Variants in DPEP3 observed in about 807,000 individuals in gnomAD.
The protein encoded by DPEP3 is dipeptidase 3, also known as membrane-bound dipeptidase 3.
A neutral mutation model predicts 47.5 loss-of-function variants in DPEP3; 42 were observed. That is an observed-to-expected ratio of 0.88 (90% CI 0.69 to 1.14). The LOEUF is 1.14. Among genes scored for constraint, DPEP3 ranks in the 50% most tolerant of loss-of-function variants. The pLI, the probability that DPEP3 is intolerant of heterozygous loss-of-function variation, is 0.00. For missense variants in DPEP3, 560 were observed against 635.0 expected, an observed-to-expected ratio of 0.88 and a Z score of 1.27; for synonymous variants, 276 against 270.2, an observed-to-expected ratio of 1.02 and a Z score of -0.21.
chr16:67,980,391 G>T lies in DPEP3; in HGVS notation c.-11C>A, dbSNP rs1320287577. 6.6e-7 allele frequency: 1 copy of T among 1,510,656 alleles called. No individual in the cohort carries two copies. Among genetic ancestry groups the T allele is most frequent in the Admixed American group, 2.2e-5 (1 of 44,582 alleles). 93.6% of individuals were successfully genotyped at this position (1,510,656 alleles called of 1,614,324 possible). ...GCCCGTGGGCTGCATGTTGCGCGGGGGTCGGCCGCGGGAGCCTGGGAGGAG... is the reference window on the plus strand; with the variant it reads ...GCCCGTGGGCTGCATGTTGCGCGGGTGTCGGCCGCGGGAGCCTGGGAGGAG... On this transcript the variant is annotated 5_prime_UTR_variant, in exon 1 of 10. Coordinates refer to ENST00000268793, the MANE Select transcript of DPEP3 (RefSeq NM_001370198.1).
In DPEP3 at chr16:67,978,409, C is replaced by G. The variant is rs778467641; in HGVS notation, c.545-1G>C. The G allele has an allele frequency of 6.2e-7, 1 of 1,613,988 alleles. No individual in the cohort carries two copies. The highest frequency in any genetic ancestry group is 1.1e-5 in the South Asian group (1 of 91,090). ...GCCAGCTTTTGAGAGCTGTTCAGACCTAGAAGGAGGTAGAGAGTCAAGTGG... is the reference window on the plus strand; with the variant it reads ...GCCAGCTTTTGAGAGCTGTTCAGACGTAGAAGGAGGTAGAGAGTCAAGTGG... On this transcript the variant is annotated splice_acceptor_variant, in intron 3 of 9. Coordinates refer to ENST00000268793, the MANE Select transcript of DPEP3 (RefSeq NM_001370198.1). LOFTEE classifies it high-confidence loss of function. The surrounding 1 kb of genome is among the most constrained non-coding windows in gnomAD (Gnocchi z 4.4).
At chr16:67,977,881 T>TGTACACAC in intron 5 of DPEP3, 52 bp from the exon 6 acceptor site, 1 of 1,613,822 alleles carries the variant, frequency 6.2e-7, no homozygotes, top group South Asian at 1.1e-5. Flanking sequence ...GGTGCAAAGG[T>TGTACACAC]GTACACACAT....
chr16:67,977,155 G>C (rs1598243267), intron 7 of DPEP3, 115 bp downstream of exon 7: 1 of 859,890 alleles, frequency 1.2e-6, no homozygotes, highest in East Asian at 2.6e-5. Context: ...CTGCCTCTGG[G>C]TCGTTGGGAG....
intron 7 of DPEP3, 23 bp from the exon 8 acceptor site, chr16:67,976,798 C>A (rs1380862456): frequency 1.9e-6 from 3 of 1,607,532 alleles, no homozygotes; most frequent in Non-Finnish European, 1.7e-6. Context: ...TGAGGGTGGG[C>A]AGCACTAGGC....
At position 67,980,090 on chromosome 16, in the gene DPEP3, A is replaced by G; in HGVS notation, c.287+4T>C. 2 of 1,607,934 alleles carry G rather than the reference A, an allele frequency of 1.2e-6. No homozygotes were observed. The highest frequency in any genetic ancestry group is 1.7e-6 in the Non-Finnish European group (2 of 1,177,392). ...CGCGTTGCCCAAACGCTGCACCTACATACCCGTCCACGAGTGGGAAACTCC... is the reference window on the plus strand; with the variant it reads ...CGCGTTGCCCAAACGCTGCACCTACGTACCCGTCCACGAGTGGGAAACTCC... On this transcript the variant is annotated splice_donor_region_variant and intron_variant, in intron 1 of 9. Coordinates refer to ENST00000268793, the MANE Select transcript of DPEP3 (RefSeq NM_001370198.1).
At chr16:67,977,860 G>T (rs770482909) in intron 5 of DPEP3, 31 bp from the exon 6 acceptor site, 10 of 1,613,556 alleles carry the variant, frequency 6.2e-6, no homozygotes, top group Admixed American at 3.3e-5. Flanking sequence ...TTTTGTGGGG[G>T]AGGGTGTTGG....
rs1370796325 is a variant in DPEP3 at position 67,980,433 on chromosome 16, GCCGACAATGGGGT to G, written c.-66_-54del. 6.8e-7 allele frequency: 1 copy of G among 1,475,988 alleles called. No homozygotes were observed. The highest frequency in any genetic ancestry group is 2.6e-5 in the East Asian group (1 of 38,868). The allele number at this position is 1,475,988 out of a possible 1,614,324, so 91.4% of individuals were successfully genotyped here. ...TGGGAGGAGCAGGCGATGGGCAGAGGCCGACAATGGGGTCCGGATCATGACGACCCAGCCTCCC... is the reference window on the plus strand; with the variant it reads ...TGGGAGGAGCAGGCGATGGGCAGAGGCCGGATCATGACGACCCAGCCTCCC... On this transcript the variant is annotated 5_prime_UTR_variant, in exon 1 of 10. Transcript: ENST00000268793.
chr16:67,980,449 G>C lies in DPEP3; in HGVS notation c.-69C>G. 1 of 1,453,756 alleles carries C rather than the reference G, an allele frequency of 6.9e-7. No individual in the cohort carries two copies. 90.1% of individuals were successfully genotyped at this position (1,453,756 alleles called of 1,614,324 possible). A position where few individuals can be genotyped will look rare whatever the true frequency, so the allele number is the denominator to read the frequency against. Reference sequence around the variant, plus strand: ...TGGGCAGAGGCCGACAATGGGGTCCGGATCATGACGACCCAGCCTCCCGAA... The same window carrying C: ...TGGGCAGAGGCCGACAATGGGGTCCCGATCATGACGACCCAGCCTCCCGAA... On this transcript the variant is annotated 5_prime_UTR_variant, in exon 1 of 10. Coordinates refer to ENST00000268793, the MANE Select transcript of DPEP3 (RefSeq NM_001370198.1).
chr16:67,979,966 G>C (rs978881845), intron 1 of DPEP3, 128 bp downstream of exon 1: 6 of 1,384,534 alleles, frequency 4.3e-6, no homozygotes, highest in Non-Finnish European at 5.8e-6. Context: ...GGGTGATGGA[G>C]GAGAGAGGGC....
rs1211457521 is a variant in DPEP3, at chr16:67,978,709, A to C, written c.415-83T>G. 5.8e-6 allele frequency: 9 copies of C among 1,563,036 alleles called. No individual in the cohort carries two copies. In the Admixed American group the frequency reaches 1.2e-4, roughly 22 times the overall value. ...CTGCCACTCCTGCCTCAGACCCCAT[A>C]ACACCCATTTGGGTCAGTGGCCCCA... On this transcript the variant is annotated intron_variant, in intron 2 of 9. Transcript: ENST00000268793. This position sits in a 1 kb window ranked among gnomAD's most constrained non-coding sequence, Gnocchi z 4.4.
chr16:67,977,688 A>G lies in DPEP3; in HGVS notation c.898T>C (p.Leu300=), dbSNP rs140582991. Residue 300 remains leucine, a synonymous_variant, in exon 6 of 10, where the codon TTG becomes CTG. Coordinates refer to ENST00000268793, the MANE Select transcript of DPEP3 (RefSeq NM_001370198.1). ...HSAARAVCDN[L]LNVPDDILQL... ...AGGATATCATCGGGAACATTCAACA[A>G]ATTGTCACACACAGCTCTGGCAGCT... 351 of 1,612,668 alleles carry G rather than the reference A, an allele frequency of 2.2e-4. No homozygotes were observed. The highest frequency in any genetic ancestry group is 8.2e-4 in the Middle Eastern group (5 of 6,062).
At position 67,975,750 on chromosome 16, in the gene DPEP3, C is replaced by T. The variant is rs944707235; in HGVS notation, c.*15G>A. On this transcript the variant is annotated 3_prime_UTR_variant, in exon 10 of 10. Transcript: ENST00000268793. ...TGAGGCTTTGCCACAGTGACCTCTG[C>T]GGGGACCGACTGTGTCAGCAGAGCC... 6.2e-6 allele frequency: 10 copies of T among 1,602,238 alleles called. No individual in the cohort carries two copies. The highest frequency in any genetic ancestry group is 2.2e-5 in the East Asian group (1 of 44,512).
chr16:67,978,631 G>T lies in DPEP3; in HGVS notation c.415-5C>A. Reference sequence around the variant, plus strand: ...TGAGACGGAGGCTGACCAGAACTGAGGGTAGGTCAAGGGGTCCAGAATGAG... The same window carrying T: ...TGAGACGGAGGCTGACCAGAACTGATGGTAGGTCAAGGGGTCCAGAATGAG... On this transcript the variant is annotated splice_polypyrimidine_tract_variant and splice_region_variant and intron_variant, in intron 2 of 9. Coordinates refer to ENST00000268793, the MANE Select transcript of DPEP3 (RefSeq NM_001370198.1). This position sits in a 1 kb window ranked among gnomAD's most constrained non-coding sequence, Gnocchi z 4.4. 2 of 1,613,690 alleles carry T rather than the reference G, an allele frequency of 1.2e-6. No homozygotes were observed. Among genetic ancestry groups the T allele is most frequent in the Non-Finnish European group, 1.7e-6 (2 of 1,179,840 alleles).
rs757216392 is a variant in DPEP3 at position 67,975,936 on chromosome 16, T to A, written c.1296A>T (p.Thr432=). The A allele has an allele frequency of 6.2e-7, 1 of 1,613,902 alleles. No homozygotes were observed. Among genetic ancestry groups the A allele is most frequent in the Non-Finnish European group, 8.5e-7 (1 of 1,179,870 alleles). ...GAGGCACGAGGTGGGAGTGGCAGGA[T>A]GTGCTCAGTTGCCCATATGGAAACT... The part of the protein sequence containing the change: ...EAEFPYGQLS[T]SCHSHLVPQN... Residue 432 remains threonine, a synonymous_variant, in exon 10 of 10, where the codon ACA becomes ACT. Transcript: ENST00000268793.
Position 67,978,380 on chromosome 16 carries a change from G to T in DPEP3, c.573C>A (p.Cys191Ter), listed in dbSNP as rs1460280479. ...EGLNSSQKLACLIGVEGGHSL... is the reference protein window; with the variant it reads ...EGLNSSQKLA ...AGTGACCACCCTCCACGCCAATGAG[G>T]CAGGCCAGCTTTTGAGAGCTGTTCA... Residue 191 changes from cysteine to a stop codon, truncating the protein, a stop_gained, in exon 4 of 10, where the codon TGC (cysteine) becomes TGA (stop). Coordinates refer to ENST00000268793, the MANE Select transcript of DPEP3 (RefSeq NM_001370198.1). LOFTEE classifies it high-confidence loss of function. The surrounding 1 kb of genome is among the most constrained non-coding windows in gnomAD (Gnocchi z 4.4). 2 of 1,614,052 alleles carry T rather than the reference G, an allele frequency of 1.2e-6. No homozygotes were observed. Among genetic ancestry groups the T allele is most frequent in the Non-Finnish European group, 1.7e-6 (2 of 1,179,914 alleles).
At position 67,976,129 on chromosome 16, in the gene DPEP3, A is replaced by G. The variant is rs1414234824; in HGVS notation, c.1194T>C (p.Arg398=). The G allele has an allele frequency of 2.5e-6, 4 of 1,614,056 alleles. No individual in the cohort carries two copies. In the African/African-American group the frequency reaches 4.0e-5, roughly 16 times the overall value. The change falls in exon 9 of 10, where the codon CGT becomes CGC. Residue 398 remains arginine (R), a synonymous_variant. Coordinates refer to ENST00000268793, the MANE Select transcript of DPEP3 (RefSeq NM_001370198.1). ...WSEEELQGVL[R]GNLLRVFRQV... is the part of the protein sequence containing the mutation. ...GTCTGAAGACCCGCAGCAGGTTTCC[A>G]CGAAGGACACCTTGAAGCTCTTCCT... is the stretch of plus-strand genomic sequence containing the variant.
Position 67,978,028 on chromosome 16 carries a change from G to A in DPEP3, c.687-21C>T, listed in dbSNP as rs773476145. 6 of 1,613,776 alleles carry A rather than the reference G, an allele frequency of 3.7e-6. No homozygotes were observed. In the South Asian group the frequency reaches 6.6e-5, roughly 18 times the overall value. ...CTGCCCTGCAGGACAGCCATGGAAG[G>A]GCAATTTAGCTGATCACACCTTGGG... On this transcript the variant is annotated intron_variant, in intron 4 of 9. Transcript: ENST00000268793. The surrounding 1 kb of genome is among the most constrained non-coding windows in gnomAD (Gnocchi z 4.4).
rs564053492 is a variant in DPEP3, at chr16:67,980,098, C to G, written c.283G>C (p.Asp95His). 135 of 1,610,396 alleles carry G rather than the reference C, an allele frequency of 8.4e-5. No individual in the cohort carries two copies. The highest frequency in any genetic ancestry group is 7.1e-4 in the Admixed American group (42 of 59,324). Reference sequence around the variant, plus strand: ...CCAAACGCTGCACCTACATACCCGTCCACGAGTGGGAAACTCCGCATCAGG... The same window carrying G: ...CCAAACGCTGCACCTACATACCCGTGCACGAGTGGGAAACTCCGCATCAGG... ...QALMRSFPLV[D>H]GHNDLPQVLR... Residue 95 changes from aspartate (D) to histidine (H), a missense_variant, in exon 1 of 10, where the codon GAC becomes CAC. By Grantham distance (81) the Asp-to-His change is moderately conservative (BLOSUM62 -1). Coordinates refer to ENST00000268793, the MANE Select transcript of DPEP3 (RefSeq NM_001370198.1).
Position 67,977,345 on chromosome 16 carries a change from C to T in DPEP3, c.943G>A (p.Gly315Ser), listed in dbSNP as rs376449652. 24 of 1,613,694 alleles carry T rather than the reference C, an allele frequency of 1.5e-5. No homozygotes were observed. Among genetic ancestry groups the T allele is most frequent in the South Asian group, 7.7e-5 (7 of 91,062 alleles). ...GACAGTGTCACCATCACGATGCCACCGTTCTTCTTCTAGAGGGATAAAGGG... is the reference window on the plus strand; with the variant it reads ...GACAGTGTCACCATCACGATGCCACTGTTCTTCTTCTAGAGGGATAAAGGG... ...DDILQLLKKN[G>S]GIVMVTLSMG... Residue 315 changes from glycine to serine, a missense_variant, in exon 7 of 10, where the codon GGT (glycine) becomes AGT (serine). Gly to Ser is a moderately conservative substitution (Grantham distance 56). Transcript: ENST00000268793.
Sources: allele counts gnomAD v4.1 joint callset, GRCh38; gene constraint gnomAD v4.1.1; non-coding constraint Gnocchi (gnomAD v3.1); transcripts MANE v1.5; gene names NCBI Gene and HGNC (gene_info 2026-07-23, HGNC 2026-07-21).